KLRG1: variants seen among roughly 807,000 people sequenced by gnomAD.
KLRG1 encodes killer cell lectin like receptor G1.
KLRG1 carries 16 observed loss-of-function variants against 21.8 expected under a neutral mutation model. That is an observed-to-expected ratio of 0.73 (90% CI 0.50 to 1.11). The LOEUF (loss-of-function observed/expected upper bound fraction) is 1.11. KLRG1 is among the 50% of genes most tolerant of loss of function. The pLI is 0.00. For synonymous variants in KLRG1, 69 were observed against 75.9 expected, an observed-to-expected ratio of 0.91 and a Z score of 0.47; for missense variants, 173 against 218.3, an observed-to-expected ratio of 0.79 and a Z score of 1.31.
At chr12:9,188,432 A>G in the KLRG1 span, among the ~76,000 whole-genome samples, 2 of 152,220 alleles carry the variant, frequency 1.3e-5, no homozygotes, top group East Asian at 3.8e-4. Flanking sequence ...AATGGGCAAA[A>G]GCTGGAAGCA....
intron 1 of KLRG1, among the ~76,000 whole-genome samples, chr12:8,983,396 T>C (rs1247053988): frequency 5.2e-5 from 3 of 57,146 alleles, no homozygotes; most frequent in African/African-American, 1.5e-4. Flanking sequence ...CCATTTTACC[T>C]TTTTTTTTTT....
intron 1 of KLRG1, among the ~76,000 whole-genome samples, chr12:8,953,847 G>A (rs745941693): frequency 6.6e-6 from 1 of 152,264 alleles, no homozygotes; most frequent in South Asian, 2.1e-4. Flanking sequence ...TAGGGCTGAA[G>A]AAGAGTTAAT....
the KLRG1 span, among the ~76,000 whole-genome samples, chr12:9,116,620 A>T: frequency 6.6e-6 from 1 of 151,920 alleles, no homozygotes; most frequent in African/African-American, 2.4e-5. Context: ...CAAATATGAT[A>T]CTCCTCTGCA....
At chr12:9,108,458 G>T in the KLRG1 span, among the ~76,000 whole-genome samples, 1 of 152,148 alleles carries the variant, frequency 6.6e-6, no homozygotes, top group African/African-American at 2.4e-5. Flanking sequence ...GGATTGTGTC[G>T]TAAATATGTC....
the KLRG1 span, chr12:9,164,099 T>A: frequency 5.0e-6 from 8 of 1,587,526 alleles, no homozygotes; most frequent in Non-Finnish European, 6.9e-6. Context: ...CCGTCCTTGT[T>A]GATTGATAGG....
chr12:9,091,084 A>G, the KLRG1 span: 7 of 1,272,934 alleles, frequency 5.5e-6, no homozygotes, highest in Non-Finnish European at 7.6e-6. Flanking sequence ...TAACTTTTAC[A>G]ATCATGAATA....
chr12:9,192,179 C>G, the KLRG1 span: 2 of 1,606,430 alleles, frequency 1.2e-6, no homozygotes, highest in Non-Finnish European at 1.7e-6. Flanking sequence ...AGAGATGAAT[C>G]TGAGGATACT....
the KLRG1 span, chr12:9,135,133 C>A: frequency 4.6e-6 from 1 of 217,342 alleles, no homozygotes; most frequent in South Asian, 8.5e-5. Flanking sequence ...TCCTTCGTCT[C>A]CAAGTTTCTC....
the KLRG1 span, chr12:9,153,487 TCTGC>T: frequency 8.2e-6 from 5 of 611,754 alleles, no homozygotes; most frequent in Non-Finnish European, 1.4e-5. Context: ...TTCCTTTTTC[TCTGC>T]CTTTCAGACA....
chr12:9,096,884 T>C, the KLRG1 span, among the ~76,000 whole-genome samples: 81 of 152,324 alleles, frequency 5.3e-4, no homozygotes, highest in Middle Eastern at 3.4e-3. Context: ...TGATCTCTAC[T>C]AGCACTTAGT....
intron 3 of KLRG1, among the ~76,000 whole-genome samples, chr12:9,001,074 C>A (rs1947292819): frequency 6.6e-6 from 1 of 152,164 alleles, no homozygotes; most frequent in Non-Finnish European, 1.5e-5. Flanking sequence ...TCTGAAAAGT[C>A]TGGAAACAGG....
chr12:9,100,840 G>C, the KLRG1 span, among the ~76,000 whole-genome samples: 2 of 152,152 alleles, frequency 1.3e-5, no homozygotes, highest in Non-Finnish European at 2.9e-5. Flanking sequence ...TAGGAAGTGG[G>C]AGCTAAGTTA....
chr12:9,019,098 TA>T, the KLRG1 span, among the ~76,000 whole-genome samples: 3 of 152,140 alleles, frequency 2.0e-5, no homozygotes, highest in African/African-American at 7.2e-5. Flanking sequence ...TAATACAATT[TA>T]AAAATGGGCA....
chr12:9,160,902 G>C, the KLRG1 span: 4 of 782,776 alleles, frequency 5.1e-6, no homozygotes, highest in East Asian at 1.1e-4. Flanking sequence ...GCGACAGAGC[G>C]AGACTCCATC....
the KLRG1 span, among the ~76,000 whole-genome samples, chr12:9,173,669 G>A: frequency 6.6e-6 from 1 of 152,000 alleles, no homozygotes; most frequent in Non-Finnish European, 1.5e-5. Context: ...TCACAGAAAC[G>A]CAAACAACCA....
At chr12:9,163,388 G>C in the KLRG1 span, among the ~76,000 whole-genome samples, 2 of 151,288 alleles carry the variant, frequency 1.3e-5, no homozygotes, top group East Asian at 3.9e-4. Flanking sequence ...GGGAGGCAGA[G>C]CTTTCAGTGA....
the KLRG1 span, among the ~76,000 whole-genome samples, chr12:9,123,844 CT>C: frequency 5.7e-4 from 81 of 141,426 alleles, 1 homozygote; most frequent in East Asian, 5.4e-3. Flanking sequence ...AATTCAATGG[CT>C]TTTTTTTTTT....
the KLRG1 span, chr12:9,066,937 G>C: frequency 6.6e-6 from 1 of 152,110 alleles, no homozygotes. Flanking sequence ...AACTCCTGAA[G>C]TTTTGCTTCC....
chr12:9,093,441 T>C, the KLRG1 span: 35 of 1,517,846 alleles, frequency 2.3e-5, no homozygotes, highest in African/African-American at 4.4e-4. Context: ...TTGTTGCATA[T>C]TGCATATGCA....
Sources: gnomAD v4.1 joint callset for allele counts (sites outside exome capture counted in the v4.1 genomes callset) on GRCh38, gnomAD v4.1.1 for gene constraint, MANE v1.5 for transcripts, NCBI Gene and HGNC (gene_info 2026-07-23, HGNC 2026-07-21) for gene names.